The following ADRA1B variants were observed in gnomAD, a reference collection of about 807,000 sequenced individuals.
The protein encoded by ADRA1B is alpha-1B adrenergic receptor.
In ADRA1B, 17 loss-of-function variants were observed where a neutral mutation model predicts 17.9. That is an observed-to-expected ratio of 0.95 (90% CI 0.65 to 1.42). The LOEUF is 1.42. ADRA1B is among the 40% of genes most tolerant of loss of function. The pLI is 0.00. For synonymous variants in ADRA1B, 366 were observed against 327.6 expected, an observed-to-expected ratio of 1.12 and a Z score of -1.27; for missense variants, 681 against 722.1, an observed-to-expected ratio of 0.94 and a Z score of 0.65.
At chr5:159,968,890 T>C (rs1334574692) in intron 1 of ADRA1B, among the ~76,000 whole-genome samples, 1 of 152,208 alleles carries the variant, frequency 6.6e-6, no homozygotes, top group Non-Finnish European at 1.5e-5. Context: ...CTCTCCAAAA[T>C]TTATTCTCCA....
chr5:159,917,576 G>C lies in ADRA1B; in HGVS notation c.671G>C (p.Cys224Ser). The C allele has an allele frequency of 6.2e-7, 1 of 1,614,012 alleles. No homozygotes were observed. Among genetic ancestry groups the C allele is most frequent in the South Asian group, 1.1e-5 (1 of 91,046 alleles). ...IPLAVILVMY[C>S]RVYIVAKRTT... ...CTGGCGGTCATTCTAGTCATGTACT[G>C]CCGTGTCTATATAGTGGCCAAGAGA... The change falls in exon 1 of 2, where the codon TGC (cysteine) becomes TCC (serine). Residue 224 changes from cysteine (C) to serine (S), a missense_variant. Cys to Ser is a moderately radical substitution (Grantham distance 112). Transcript: ENST00000306675.
intron 1 of ADRA1B, chr5:159,867,167 C>G (rs1428536288): frequency 6.6e-6 from 1 of 152,162 alleles, no homozygotes; most frequent in Non-Finnish European, 1.5e-5. Context: ...CACTGGTCCC[C>G]TCAAAATCCT....
At chr5:159,906,531 G>A (rs1408236459) in intron 1 of ADRA1B, among the ~76,000 whole-genome samples, 1 of 152,226 alleles carries the variant, frequency 6.6e-6, no homozygotes, top group African/African-American at 2.4e-5. Flanking sequence ...TGCTGAATTA[G>A]GATATCTAAG....
chr5:159,917,113 G>A lies in ADRA1B; in HGVS notation c.208G>A (p.Val70Met). 1 of 1,614,134 alleles carries A rather than the reference G, an allele frequency of 6.2e-7. No homozygotes were observed. Among genetic ancestry groups the A allele is most frequent in the Non-Finnish European group, 8.5e-7 (1 of 1,180,014 alleles). ...IVGNILVILS[V>M]ACNRHLRTPT... ...GGGCAACATCCTAGTCATCTTGTCT[G>A]TGGCCTGCAACCGGCACCTGCGGAC... is the stretch of plus-strand genomic sequence containing the variant. The change falls in exon 1 of 2, where the codon GTG becomes ATG. Residue 70 changes from valine (V) to methionine (M), a missense_variant. This residue lies in a region of ADRA1B where 424 missense variants were observed against 480.2 expected (regional missense o/e 0.88). Coordinates refer to ENST00000306675, the MANE Select transcript of ADRA1B (RefSeq NM_000679.4).
intron 1 of ADRA1B, among the ~76,000 whole-genome samples, chr5:159,952,580 G>A (rs1755466101): frequency 1.3e-5 from 2 of 152,092 alleles, no homozygotes; most frequent in African/African-American, 2.4e-5. Flanking sequence ...CTCCATGACT[G>A]AGTAAATTAC....
intron 1 of ADRA1B, among the ~76,000 whole-genome samples, chr5:159,909,033 C>A (rs1754196552): frequency 1.3e-5 from 2 of 152,204 alleles, no homozygotes; most frequent in Admixed American, 6.5e-5. Flanking sequence ...TTTCTCCCCT[C>A]ATCTTTTCAG....
At chr5:159,912,502 C>A (rs561990312), upstream of ADRA1B, among the ~76,000 whole-genome samples, 5 of 152,354 alleles carry the variant, frequency 3.3e-5, no homozygotes, top group Admixed American at 3.3e-4. Context: ...CCCTTTCCCT[C>A]CCCTCCCTGA....
intron 1 of ADRA1B, among the ~76,000 whole-genome samples, chr5:159,940,083 G>A (rs75218792): frequency 0.012 from 1,844 of 152,306 alleles, 44 homozygotes; most frequent in African/African-American, 0.042. Flanking sequence ...GCTGTGAAGA[G>A]GAACTGTGAG....
chr5:159,910,059 C>T (rs1754213066), intron 1 of ADRA1B, among the ~76,000 whole-genome samples: 1 of 152,162 alleles, frequency 6.6e-6, no homozygotes, highest in South Asian at 2.1e-4. Context: ...TATATACATA[C>T]ATACATATAC....
downstream of ADRA1B, among the ~76,000 whole-genome samples, chr5:159,974,749 C>T (rs1188890613): frequency 1.3e-5 from 2 of 152,052 alleles, no homozygotes; most frequent in Non-Finnish European, 2.9e-5. Flanking sequence ...AGGAAAATTA[C>T]ATTTTCATTC....
chr5:159,890,699 C>G (rs1753974074), intron 1 of ADRA1B, among the ~76,000 whole-genome samples: 1 of 152,210 alleles, frequency 6.6e-6, no homozygotes, highest in Non-Finnish European at 1.5e-5. Flanking sequence ...AAGAGCCAGA[C>G]AGAAGCTGTA....
At chr5:159,901,162 T>C (rs1754096291) in intron 1 of ADRA1B, among the ~76,000 whole-genome samples, 2 of 151,680 alleles carry the variant, frequency 1.3e-5, no homozygotes, top group African/African-American at 4.8e-5. Context: ...ATTATGTAAA[T>C]TCCAACAAGC....
chr5:159,963,640 G>C (rs2113285784), intron 1 of ADRA1B, among the ~76,000 whole-genome samples: 1 of 152,302 alleles, frequency 6.6e-6, no homozygotes, highest in South Asian at 2.1e-4. Context: ...TAAGCACTTA[G>C]CCCATCGCCT....
At chr5:159,892,478 C>T (rs922555806) in intron 1 of ADRA1B, among the ~76,000 whole-genome samples, 3 of 152,136 alleles carry the variant, frequency 2.0e-5, no homozygotes, top group African/African-American at 7.2e-5. Flanking sequence ...TGATGCTCTC[C>T]CTTCTCCCCC....
At chr5:159,948,606 A>G in intron 1 of ADRA1B, 1 of 366,816 alleles carries the variant, frequency 2.7e-6, no homozygotes. Flanking sequence ...TGTTGAAAAC[A>G]TATTTATTCA....
chr5:159,950,448 C>T, intron 1 of ADRA1B: 1 of 1,015,990 alleles, frequency 9.8e-7, no homozygotes, highest in East Asian at 2.4e-5. Context: ...GTGAGGGCTT[C>T]TCGCTTCCTC....
intron 1 of ADRA1B, among the ~76,000 whole-genome samples, chr5:159,961,905 T>C (rs1275120813): frequency 6.6e-6 from 1 of 152,222 alleles, no homozygotes. Flanking sequence ...GCTCATTGCC[T>C]CATTTCTTCA....
intron 1 of ADRA1B, chr5:159,867,024 G>A (rs1004896926): frequency 6.6e-6 from 1 of 152,192 alleles, no homozygotes; most frequent in Non-Finnish European, 1.5e-5. Context: ...CAGCCTTGAA[G>A]CGATGTCCAA....
chr5:159,923,488 G>A (rs1056693109), intron 1 of ADRA1B, among the ~76,000 whole-genome samples: 3 of 152,262 alleles, frequency 2.0e-5, no homozygotes, highest in Non-Finnish European at 4.4e-5. Context: ...GAGAGGAAAT[G>A]TGTTCAGAAT....
Sources: allele counts gnomAD v4.1 joint callset (sites outside exome capture counted in the v4.1 genomes callset), GRCh38; gene constraint gnomAD v4.1.1; regional missense constraint gnomAD v4.1.1; transcripts MANE v1.5; gene names NCBI Gene and HGNC (gene_info 2026-07-23, HGNC 2026-07-21).